Variants in CCDC148 observed in about 807,000 individuals in gnomAD.
The protein encoded by CCDC148 is coiled-coil domain containing 148, also known as coiled-coil domain-containing protein 148.
CCDC148 carries 89 observed loss-of-function variants against 85.7 expected under a neutral mutation model. That is an observed-to-expected ratio of 1.04 (90% CI 0.87 to 1.24). CCDC148 has a LOEUF of 1.24. CCDC148 is among the 50% of genes most tolerant of loss of function. CCDC148 has a pLI of 0.00. For synonymous variants in CCDC148, 230 were observed against 213.9 expected (o/e 1.08, Z -0.66); for missense variants, 692 against 671.7 (o/e 1.03, Z -0.33).
chr2:158,352,073 T>G lies in CCDC148; in HGVS notation c.147+6376A>C, dbSNP rs1441064151. ...AGGACATCCACACCAAAAACCCATC[T>G]GTACATCACCATCATCAAAGACCAA... On this transcript the variant is annotated intron_variant, in intron 2 of 13. Transcript: ENST00000283233. Among the ~76,000 whole-genome samples the G allele has an allele frequency of 2.1e-5, 3 of 143,798 alleles. No homozygotes were observed. The East Asian group carries it at 6.1e-4, about 29-fold the overall frequency. 94.3% of individuals were successfully genotyped at this position (143,798 alleles called of 152,430 possible).
At chr2:158,255,714 C>T (rs1205148697) in intron 9 of CCDC148, among the ~76,000 whole-genome samples, 1 of 151,658 alleles carries the variant, frequency 6.6e-6, no homozygotes, top group African/African-American at 2.4e-5. Flanking sequence ...AATTATATAG[C>T]TTTAAAGAGA....
At chr2:158,195,046 G>C (rs16842742) in intron 11 of CCDC148, among the ~76,000 whole-genome samples, 1,816 of 151,626 alleles carry the variant, frequency 0.012, 47 homozygotes, top group African/African-American at 0.042. Context: ...GCTGGTCCTG[G>C]GTCCATCTGA....
intron 1 of CCDC148, among the ~76,000 whole-genome samples, chr2:158,407,108 A>G (rs1686061724): frequency 6.6e-6 from 1 of 152,070 alleles, no homozygotes; most frequent in Non-Finnish European, 1.5e-5. Context: ...CCTTGAAAAA[A>G]ACAAAATTAT....
chr2:158,224,533 A>T (rs1235984777), intron 10 of CCDC148, among the ~76,000 whole-genome samples: 1 of 152,178 alleles, frequency 6.6e-6, no homozygotes, highest in African/African-American at 2.4e-5. Flanking sequence ...CAAAGGTAAA[A>T]ATGTTAAGGG....
At position 158,317,867 on chromosome 2, in the gene CCDC148, A is replaced by C. The variant is rs1045227956; in HGVS notation, c.765-3973T>G. On this transcript the variant is annotated intron_variant, in intron 7 of 13. Coordinates refer to ENST00000283233, the MANE Select transcript of CCDC148 (RefSeq NM_138803.4). ...ATGGTAATTAGTGCCTCCTGAAGCTAGCTGATGCAATAGTGAACCTGACCT... is the reference window on the plus strand; with the variant it reads ...ATGGTAATTAGTGCCTCCTGAAGCTCGCTGATGCAATAGTGAACCTGACCT... Among the ~76,000 whole-genome samples the C allele has an allele frequency of 2.6e-5, 4 of 152,210 alleles. No individual in the cohort carries two copies. In the East Asian group the frequency reaches 7.7e-4, roughly 29 times the overall value.
chr2:158,375,686 C>T (rs1684621252), intron 1 of CCDC148, among the ~76,000 whole-genome samples: 1 of 152,094 alleles, frequency 6.6e-6, no homozygotes, highest in Admixed American at 6.6e-5. Flanking sequence ...CCATGTGATA[C>T]ACTTCCAACC....
At position 158,242,178 on chromosome 2, in the gene CCDC148, G is replaced by A. The variant is rs147841786; in HGVS notation, c.1251+8594C>T. On this transcript the variant is annotated intron_variant, in intron 10 of 13. Transcript: ENST00000283233. Reference sequence around the variant, plus strand: ...ACTTGGTAAAGAGTAACCAGGCAAAGAGAAAAAGAACTGTATTCATGACAA... The same window carrying A: ...ACTTGGTAAAGAGTAACCAGGCAAAAAGAAAAAGAACTGTATTCATGACAA... Among the ~76,000 whole-genome samples the A allele has an allele frequency of 1.0e-2, 1,522 of 152,230 alleles. 11 individuals carry two copies. Among genetic ancestry groups the A allele is most frequent in the Non-Finnish European group, 0.016 (1,107 of 67,992 alleles).
intron 2 of CCDC148, 69 bp from the exon 3 acceptor site, chr2:158,345,387 C>T: frequency 2.9e-6 from 3 of 1,023,620 alleles, no homozygotes; most frequent in Non-Finnish European, 4.4e-6. Flanking sequence ...AACAGAAATG[C>T]TTAATCTGAA....
At chr2:158,369,172 A>G (rs760859043) in intron 1 of CCDC148, among the ~76,000 whole-genome samples, 2 of 152,152 alleles carry the variant, frequency 1.3e-5, no homozygotes, top group Non-Finnish European at 2.9e-5. Flanking sequence ...TTTGTTCCAT[A>G]TAAAGTTTAA....
chr2:158,351,404 G>C (rs374465018), intron 2 of CCDC148, among the ~76,000 whole-genome samples: 3 of 152,136 alleles, frequency 2.0e-5, no homozygotes, highest in Admixed American at 2.0e-4. Context: ...GAAGCAGGGC[G>C]AGGCACTGCC....
intron 11 of CCDC148, among the ~76,000 whole-genome samples, chr2:158,203,282 AT>A (rs1191254973): frequency 1.3e-5 from 2 of 152,226 alleles, no homozygotes; most frequent in African/African-American, 4.8e-5. Context: ...TCAGATATGA[AT>A]TCGTCTTATT....
intron 11 of CCDC148, among the ~76,000 whole-genome samples, chr2:158,181,543 A>G (rs1684904219): frequency 6.6e-6 from 1 of 152,150 alleles, no homozygotes; most frequent in South Asian, 2.1e-4. Flanking sequence ...GACCATGGGA[A>G]AGACAGCTTT....
intron 11 of CCDC148, among the ~76,000 whole-genome samples, chr2:158,196,577 C>G (rs1193584272): frequency 6.6e-6 from 1 of 152,200 alleles, no homozygotes; most frequent in African/African-American, 2.4e-5. Context: ...AACTTTCTCA[C>G]TGCCCCCAAT....
At chr2:158,353,088 G>A (rs1242528920) in intron 2 of CCDC148, among the ~76,000 whole-genome samples, 1 of 151,702 alleles carries the variant, frequency 6.6e-6, no homozygotes. Flanking sequence ...CCTAAACACG[G>A]AAAAGAACAA....
In CCDC148 at chr2:158,338,945, C is replaced by T. The variant is rs186616119; in HGVS notation, c.583-38G>A. 375 of 1,599,206 alleles carry T rather than the reference C, an allele frequency of 2.3e-4. 2 individuals are homozygous for T. In the African/African-American group the frequency reaches 4.2e-3, roughly 18 times the overall value. ...ATATGATTATTTTATTTAACATAAA[C>T]GACAAATTGATAAACACATAAATTA... is the stretch of plus-strand genomic sequence containing the variant. On this transcript the variant is annotated intron_variant, in intron 6 of 13. Transcript: ENST00000283233.
intron 10 of CCDC148, among the ~76,000 whole-genome samples, chr2:158,239,902 T>C (rs1265338159): frequency 6.6e-6 from 1 of 152,114 alleles, no homozygotes; most frequent in Non-Finnish European, 1.5e-5. Context: ...TTTTTTTCTT[T>C]AGTTCCCATG....
chr2:158,264,622 A>G (rs73968904), intron 9 of CCDC148, among the ~76,000 whole-genome samples: 8,372 of 152,098 alleles, frequency 0.055, 376 homozygotes, highest in East Asian at 0.14. Context: ...GCAAAGGATA[A>G]AATGTAAAAT....
At chr2:158,357,706 A>C (rs1457505991) in intron 2 of CCDC148, among the ~76,000 whole-genome samples, 1 of 152,206 alleles carries the variant, frequency 6.6e-6, no homozygotes, top group African/African-American at 2.4e-5. Flanking sequence ...TCCAGAATAG[A>C]GTATCAAATG....
chr2:158,184,314 CT>C (rs1050657546), intron 11 of CCDC148, among the ~76,000 whole-genome samples: 23 of 152,196 alleles, frequency 1.5e-4, no homozygotes, highest in African/African-American at 5.3e-4. Flanking sequence ...CTTTGTGAAG[CT>C]ATTGGAACCC....
Sources: gnomAD v4.1 joint callset for allele counts (sites outside exome capture counted in the v4.1 genomes callset) on GRCh38, gnomAD v4.1.1 for gene constraint, MANE v1.5 for transcripts, NCBI Gene and HGNC (gene_info 2026-07-23, HGNC 2026-07-21) for gene names.